Variants in TAFA5 observed in about 807,000 individuals in gnomAD.
The protein encoded by TAFA5 is chemokine-like protein TAFA-5.
TAFA5 carries 6 observed loss-of-function variants against 15.3 expected under a neutral mutation model. The ratio of observed to expected loss-of-function variants is 0.39; its 90% CI spans 0.21 to 0.77. TAFA5 has a LOEUF of 0.77. TAFA5 is among the 30% of genes least tolerant of loss of function. The pLI is 0.41. For synonymous variants in TAFA5, 103 were observed against 80.7 expected (o/e 1.28, Z -1.48); for missense variants, 161 against 193.1 (o/e 0.83, Z 0.98).
intron 1 of TAFA5, among the ~76,000 whole-genome samples, chr22:48,520,341 G>A (rs956513368): frequency 3.9e-5 from 6 of 152,252 alleles, no homozygotes; most frequent in Admixed American, 1.3e-4. Flanking sequence ...CCCGGCCCAG[G>A]TGACACTGGG....
chr22:48,608,133 C>CCTCCCACGG (rs1925267311), intron 1 of TAFA5, among the ~76,000 whole-genome samples: 2 of 152,082 alleles, frequency 1.3e-5, no homozygotes, highest in African/African-American at 2.4e-5. Context: ...GCTGCCAGAC[C>CCTCCCACGG]CCTGCTTCTC....
intron 2 of TAFA5, among the ~76,000 whole-genome samples, chr22:48,680,564 G>A (rs1375277534): frequency 6.6e-6 from 1 of 152,156 alleles, no homozygotes; most frequent in Admixed American, 6.5e-5. Context: ...GAGGCAGGAG[G>A]AGCTGAGGGA....
At position 48,576,039 on chromosome 22, in the gene TAFA5, A is replaced by ACCCCCCCCC. The variant is rs535068094; in HGVS notation, c.113-70552_113-70544dup. 2.1e-3 allele frequency among the ~76,000 whole-genome samples: 65 copies of ACCCCCCCCC among 31,422 alleles called. 16 individuals are homozygous for ACCCCCCCCC. Among genetic ancestry groups the ACCCCCCCCC allele is most frequent in the African/African-American group, 9.2e-3 (39 of 4,258 alleles). The allele number at this position is 31,422 out of a possible 152,430, so 20.6% of individuals were successfully genotyped here. On this transcript the variant is annotated intron_variant, in intron 1 of 3. Coordinates refer to ENST00000402357, the MANE Select transcript of TAFA5 (RefSeq NM_001082967.3). ...GAGGAGGGGGCCGGGGCCGCGCCGG[A>ACCCCCCCCC]CCCCCCCCCCCCCCGCGCCGCCCGG...
chr22:48,545,213 G>A (rs556850068), intron 1 of TAFA5: 1 of 299,974 alleles, frequency 3.3e-6, no homozygotes, highest in East Asian at 8.0e-5. Context: ...ACTCACTGAA[G>A]CCTGCCATCC....
chr22:48,619,148 C>T (rs1925716308), intron 1 of TAFA5, among the ~76,000 whole-genome samples: 1 of 152,190 alleles, frequency 6.6e-6, no homozygotes, highest in Non-Finnish European at 1.5e-5. Context: ...GTCTTTTCTT[C>T]CTCTTCTGAG....
chr22:48,659,221 G>A (rs553317806), intron 2 of TAFA5, among the ~76,000 whole-genome samples: 2 of 152,348 alleles, frequency 1.3e-5, no homozygotes, highest in Admixed American at 6.5e-5. Context: ...AATCATAGCC[G>A]CAGCCTTGTT....
In TAFA5 at chr22:48,489,957, G is replaced by A. The variant is rs533301263; in HGVS notation, c.112+253G>A. Among the ~76,000 whole-genome samples, 1 of 151,930 alleles carries A rather than the reference G, an allele frequency of 6.6e-6. No individual in the cohort carries two copies. The highest frequency in any genetic ancestry group is 1.5e-5 in the Non-Finnish European group (1 of 67,906). ...CTCCCTTCCCTGACTCCCCGGCAGG[G>A]CCCGGGCTCCAGGCCCCGGGTGGCG... is the stretch of plus-strand genomic sequence containing the variant. On this transcript the variant is annotated intron_variant, in intron 1 of 3. Transcript: ENST00000402357. The surrounding 1 kb of genome is among the most constrained non-coding windows in gnomAD (Gnocchi z 5.5).
Position 48,598,425 on chromosome 22 carries a change from C to T in TAFA5, c.113-48172C>T, listed in dbSNP as rs999420634. 2.6e-5 allele frequency among the ~76,000 whole-genome samples: 4 copies of T among 152,244 alleles called. No individual in the cohort carries two copies. The highest frequency in any genetic ancestry group is 1.9e-4 in the East Asian group (1 of 5,176). On this transcript the variant is annotated intron_variant, in intron 1 of 3. Transcript: ENST00000402357. The surrounding 1 kb of genome is among the most constrained non-coding windows in gnomAD (Gnocchi z 4.0). ...AGTGGTGAGGGGCTGGCGCTGTGAT[C>T]GTGCTTAGTGTTTATGGCGTGGGGC... is the stretch of plus-strand genomic sequence containing the variant.
chr22:48,590,627 AG>A (rs1924533574), intron 1 of TAFA5, among the ~76,000 whole-genome samples: 1 of 152,170 alleles, frequency 6.6e-6, no homozygotes, highest in Admixed American at 6.5e-5. Flanking sequence ...ACACAGACCC[AG>A]GACTGTGACT....
chr22:48,682,478 C>A (rs773050007), intron 2 of TAFA5, among the ~76,000 whole-genome samples: 1 of 152,332 alleles, frequency 6.6e-6, no homozygotes, highest in Admixed American at 6.5e-5. Flanking sequence ...GGTGACCCCA[C>A]GTCCCACAGG....
intron 1 of TAFA5, among the ~76,000 whole-genome samples, chr22:48,506,023 A>C (rs1920991584): frequency 6.6e-6 from 1 of 152,126 alleles, no homozygotes; most frequent in Non-Finnish European, 1.5e-5. Flanking sequence ...CCAGCCCTGA[A>C]GATAACCCTT....
chr22:48,499,231 C>G (rs1204688035), intron 1 of TAFA5, among the ~76,000 whole-genome samples: 1 of 152,178 alleles, frequency 6.6e-6, no homozygotes, highest in Non-Finnish European at 1.5e-5. Flanking sequence ...ACCGTGCTGC[C>G]GATGGTGATG....
In TAFA5 at chr22:48,550,445, C is replaced by T. The variant is rs547582394; in HGVS notation, c.112+60741C>T. ...CCCTGGATGGCTCTCTGGGAGTAAG[C>T]TAAGAGGTCACATCTGGATGGAACC... is the stretch of plus-strand genomic sequence containing the variant. On this transcript the variant is annotated intron_variant, in intron 1 of 3. Coordinates refer to ENST00000402357, the MANE Select transcript of TAFA5 (RefSeq NM_001082967.3). The surrounding 1 kb of genome is among the most constrained non-coding windows in gnomAD (Gnocchi z 4.1). 1.4e-3 allele frequency among the ~76,000 whole-genome samples: 213 copies of T among 152,302 alleles called. No individual in the cohort carries two copies. Among genetic ancestry groups the T allele is most frequent in the African/African-American group, 3.6e-3 (149 of 41,568 alleles).
chr22:48,542,333 GGT>G (rs1333915692), intron 1 of TAFA5, among the ~76,000 whole-genome samples: 34 of 132,714 alleles, frequency 2.6e-4, no homozygotes, highest in South Asian at 7.6e-4. Flanking sequence ...TGATGTGTGT[GGT>G]GTGTGTGTGG....
chr22:48,638,449 C>T lies in TAFA5; in HGVS notation c.113-8148C>T, dbSNP rs970089783. On this transcript the variant is annotated intron_variant, in intron 1 of 3. Transcript: ENST00000402357. Reference sequence around the variant, plus strand: ...CCGCACACAGGCAGCACCCCTCCCCCGACACTAAGCCCTGGGTCACCGCAC... The same window carrying T: ...CCGCACACAGGCAGCACCCCTCCCCTGACACTAAGCCCTGGGTCACCGCAC... 1.5e-3 allele frequency among the ~76,000 whole-genome samples: 145 copies of T among 95,160 alleles called. 7 individuals are homozygous for T. Among genetic ancestry groups the T allele is most frequent in the Non-Finnish European group, 2.0e-3 (92 of 46,330 alleles). 62.4% of individuals were successfully genotyped at this position (95,160 alleles called of 152,430 possible). A position where few individuals can be genotyped will look rare whatever the true frequency, so the allele number is the denominator to read the frequency against.
intron 1 of TAFA5, among the ~76,000 whole-genome samples, chr22:48,578,551 G>T (rs1308768605): frequency 2.0e-5 from 3 of 152,242 alleles, no homozygotes; most frequent in African/African-American, 7.2e-5. Context: ...ACGTGTGTCG[G>T]TGTTGTGGAA....
intron 3 of TAFA5, among the ~76,000 whole-genome samples, chr22:48,722,621 G>T (rs1929602799): frequency 6.6e-6 from 1 of 152,312 alleles, no homozygotes; most frequent in East Asian, 1.9e-4. Flanking sequence ...AGGTTGATGG[G>T]TGCAGCAAAC....
chr22:48,612,871 C>G (rs1036850207), intron 1 of TAFA5, among the ~76,000 whole-genome samples: 2 of 152,166 alleles, frequency 1.3e-5, no homozygotes, highest in African/African-American at 4.8e-5. Flanking sequence ...AGAGCCACGG[C>G]CGACTGGTCA....
intron 2 of TAFA5, among the ~76,000 whole-genome samples, chr22:48,658,218 C>T (rs1927313843): frequency 7.2e-6 from 1 of 138,154 alleles, no homozygotes; most frequent in African/African-American, 2.6e-5. Context: ...AACTCAGCCC[C>T]ACAAACACTC....
Sources: allele counts gnomAD v4.1 joint callset (sites outside exome capture counted in the v4.1 genomes callset), GRCh38; gene constraint gnomAD v4.1.1; non-coding constraint Gnocchi (gnomAD v3.1); transcripts MANE v1.5; gene names NCBI Gene and HGNC (gene_info 2026-07-23, HGNC 2026-07-21).